MSI2: variants seen among roughly 807,000 people sequenced by gnomAD.
The protein encoded by MSI2 is musashi RNA binding protein 2, also known as RNA-binding protein Musashi homolog 2.
A neutral mutation model predicts 45.6 loss-of-function variants in MSI2; 17 were observed. The observed-to-expected ratio is 0.37, with a 90% confidence interval of 0.26 to 0.56. The LOEUF (loss-of-function observed/expected upper bound fraction) is 0.56. MSI2 is among the 20% of genes least tolerant of loss of function. The pLI, the probability that MSI2 is intolerant of heterozygous loss-of-function variation, is 0.77. For synonymous variants in MSI2, 156 were observed against 158.2 expected (o/e 0.99, Z 0.11); for missense variants, 293 against 444.2 (o/e 0.66, Z 3.06).
At chr17:57,445,065 C>G (rs1431335342) in intron 6 of MSI2, among the ~76,000 whole-genome samples, 1 of 151,980 alleles carries the variant, frequency 6.6e-6, no homozygotes, top group Non-Finnish European at 1.5e-5. Context: ...CATAGAAATT[C>G]CATGATGGAT....
At chr17:57,603,043 A>C (rs1478005684) in intron 8 of MSI2, among the ~76,000 whole-genome samples, 1 of 152,214 alleles carries the variant, frequency 6.6e-6, no homozygotes, top group Non-Finnish European at 1.5e-5. Flanking sequence ...TGAAGGGAGC[A>C]CGGAGCCAGG....
At chr17:57,470,067 A>G (rs1341516689) in intron 6 of MSI2, among the ~76,000 whole-genome samples, 1 of 152,076 alleles carries the variant, frequency 6.6e-6, no homozygotes, top group East Asian at 1.9e-4. Flanking sequence ...TCCCCCAGGA[A>G]GCCCTTCCCC....
intron 11 of MSI2, among the ~76,000 whole-genome samples, chr17:57,666,299 T>C (rs747287744): frequency 2.0e-5 from 3 of 152,220 alleles, no homozygotes; most frequent in Non-Finnish European, 2.9e-5. Flanking sequence ...GTTCAAACCC[T>C]TGGTCTTCTT....
intron 6 of MSI2, among the ~76,000 whole-genome samples, chr17:57,501,786 C>T (rs2086111914): frequency 6.6e-6 from 1 of 152,230 alleles, no homozygotes; most frequent in Non-Finnish European, 1.5e-5. Context: ...ACAGCCTGCT[C>T]TTATAGACAC....
At chr17:57,634,474 A>G (rs1215397511) in intron 10 of MSI2, among the ~76,000 whole-genome samples, 9 of 147,336 alleles carry the variant, frequency 6.1e-5, no homozygotes, top group South Asian at 2.4e-4. Context: ...TCAAAAAAAA[A>G]AGAGAGAGAG....
chr17:57,474,230 G>A (rs777668409), intron 6 of MSI2, among the ~76,000 whole-genome samples: 6 of 152,112 alleles, frequency 3.9e-5, no homozygotes, highest in Non-Finnish European at 7.4e-5. Flanking sequence ...GGGTCTAGAC[G>A]TGCTCATTTA....
intron 5 of MSI2, among the ~76,000 whole-genome samples, chr17:57,399,426 T>C (rs909601913): frequency 1.3e-5 from 2 of 152,180 alleles, no homozygotes; most frequent in African/African-American, 4.8e-5. Flanking sequence ...GATATTCAAG[T>C]TTGGGGTTAA....
At chr17:57,410,300 C>T (rs1023470481) in intron 6 of MSI2, among the ~76,000 whole-genome samples, 2 of 152,176 alleles carry the variant, frequency 1.3e-5, no homozygotes, top group Non-Finnish European at 1.5e-5. Context: ...CTCCTTCCTG[C>T]GTGCTCCAGA....
chr17:57,382,781 A>G (rs1298849876), intron 5 of MSI2, among the ~76,000 whole-genome samples: 1 of 152,272 alleles, frequency 6.6e-6, no homozygotes, highest in African/African-American at 2.4e-5. Context: ...TGTTTATTAA[A>G]GGACAGTTAA....
chr17:57,429,772 A>AGG (rs1230423803), intron 6 of MSI2, among the ~76,000 whole-genome samples: 2 of 151,700 alleles, frequency 1.3e-5, no homozygotes, highest in African/African-American at 2.4e-5. Flanking sequence ...GCTAAGCAAA[A>AGG]GGGAGAATTT....
intron 9 of MSI2, chr17:57,626,392 A>G (rs1291659362): frequency 6.6e-6 from 1 of 152,124 alleles, no homozygotes; most frequent in Non-Finnish European, 1.5e-5. Context: ...GAGCTGAATG[A>G]CACCTCACAT....
chr17:57,431,648 C>T (rs1188318170), intron 6 of MSI2, among the ~76,000 whole-genome samples: 2 of 152,174 alleles, frequency 1.3e-5, no homozygotes, highest in Admixed American at 1.3e-4. Flanking sequence ...GCTGTTTGTC[C>T]AAGATCAGCC....
intron 5 of MSI2, among the ~76,000 whole-genome samples, chr17:57,289,063 C>G (rs1343156378): frequency 6.6e-6 from 1 of 152,212 alleles, no homozygotes; most frequent in Non-Finnish European, 1.5e-5. Context: ...TTCTGAGGTT[C>G]TGTTCTGCAT....
intron 7 of MSI2, among the ~76,000 whole-genome samples, chr17:57,554,662 CT>C (rs2144207798): frequency 6.6e-6 from 1 of 152,358 alleles, no homozygotes; most frequent in South Asian, 2.1e-4. Flanking sequence ...CTGAGCAATT[CT>C]TTTGCTTTAT....
At chr17:57,516,223 T>C (rs2086467039) in intron 6 of MSI2, among the ~76,000 whole-genome samples, 3 of 152,226 alleles carry the variant, frequency 2.0e-5, no homozygotes, top group African/African-American at 7.2e-5. Context: ...TCCTAACTCC[T>C]GGCAACCACT....
chr17:57,685,502 A>C (rs1019176433), downstream of MSI2: 2 of 152,226 alleles, frequency 1.3e-5, no homozygotes, highest in African/African-American at 4.8e-5. Flanking sequence ...TGTCTCCTGC[A>C]TATAACAAGT....
intron 5 of MSI2, among the ~76,000 whole-genome samples, chr17:57,369,056 G>A (rs1228796310): frequency 6.6e-6 from 1 of 152,172 alleles, no homozygotes; most frequent in African/African-American, 2.4e-5. Context: ...GTCATTTGGT[G>A]AGGTTTATGG....
At chr17:57,319,714 G>A (rs1413374463) in intron 5 of MSI2, among the ~76,000 whole-genome samples, 2 of 152,188 alleles carry the variant, frequency 1.3e-5, no homozygotes, top group African/African-American at 2.4e-5. Context: ...TGGGGCTTGA[G>A]CGATCCTCTC....
chr17:57,257,596 A>C (rs1429918284), intron 3 of MSI2, 49 bp downstream of exon 3: 1 of 1,395,882 alleles, frequency 7.2e-7, no homozygotes, highest in Non-Finnish European at 1.0e-6. Flanking sequence ...ACAAAGTTTA[A>C]GTTTTATTTT....
Sources: allele counts gnomAD v4.1 joint callset (sites outside exome capture counted in the v4.1 genomes callset), GRCh38; gene constraint gnomAD v4.1.1; transcripts MANE v1.5; gene names NCBI Gene and HGNC (gene_info 2026-07-23, HGNC 2026-07-21).